SCIN: variants seen among roughly 807,000 people sequenced by gnomAD.
SCIN encodes the protein adseverin.
A neutral mutation model predicts 91.8 loss-of-function variants in SCIN; 91 were observed. The observed-to-expected ratio is 0.99, with a 90% confidence interval of 0.84 to 1.18. The LOEUF (loss-of-function observed/expected upper bound fraction) is 1.18. SCIN is among the 50% of genes most tolerant of loss of function. SCIN has a pLI of 0.00. For synonymous variants in SCIN, 367 were observed against 312.6 expected, an observed-to-expected ratio of 1.17 and a Z score of -1.84; for missense variants, 1,087 against 863.9, an observed-to-expected ratio of 1.26 and a Z score of -3.24.
At chr7:12,591,981 C>T (rs1391469167) in intron 3 of SCIN, among the ~76,000 whole-genome samples, 1 of 152,076 alleles carries the variant, frequency 6.6e-6, no homozygotes, top group Non-Finnish European at 1.5e-5. Flanking sequence ...AGAAGGTCGT[C>T]CACATATTGA....
At chr7:12,585,217 G>T (rs1782562320) in intron 3 of SCIN, among the ~76,000 whole-genome samples, 3 of 152,070 alleles carry the variant, frequency 2.0e-5, no homozygotes, top group African/African-American at 7.2e-5. Context: ...GATGACCCCT[G>T]GTAAATCCGG....
At chr7:12,585,324 G>T (rs1410905816) in intron 3 of SCIN, among the ~76,000 whole-genome samples, 1 of 152,050 alleles carries the variant, frequency 6.6e-6, no homozygotes, top group East Asian at 1.9e-4. Flanking sequence ...TGGCTTCCTT[G>T]TTTTTCTCCC....
intron 8 of SCIN, among the ~76,000 whole-genome samples, chr7:12,627,140 CTG>C (rs1783543851): frequency 6.6e-6 from 1 of 151,772 alleles, no homozygotes; most frequent in South Asian, 2.1e-4. Context: ...ACACATATAT[CTG>C]TGTGTATATA....
chr7:12,585,576 C>T (rs570205451), intron 3 of SCIN, among the ~76,000 whole-genome samples: 7 of 152,268 alleles, frequency 4.6e-5, no homozygotes, highest in African/African-American at 1.7e-4. Flanking sequence ...AAACTCAACA[C>T]ATCTAGAAAA....
At chr7:12,604,435 A>G in intron 3 of SCIN, 79 bp from the exon 4 acceptor site, 1 of 1,288,396 alleles carries the variant, frequency 7.8e-7, no homozygotes, top group Non-Finnish European at 1.1e-6. Flanking sequence ...TTTCTTTCCT[A>G]ATTAATCACA....
In SCIN at chr7:12,644,581, C is replaced by A; in HGVS notation, c.1760-3C>A. On this transcript the variant is annotated splice_polypyrimidine_tract_variant and splice_region_variant and intron_variant, in intron 12 of 15. Coordinates refer to ENST00000297029, the MANE Select transcript of SCIN (RefSeq NM_001112706.3). ...ACTGGATAACTGAGTGTGTTTTCCA[C>A]AGAGGAGTTCTGGAATTCCCTTGGA... 1 of 1,612,448 alleles carries A rather than the reference C, an allele frequency of 6.2e-7. No homozygotes were observed.
At chr7:12,618,021 C>A (rs1253136748) in intron 4 of SCIN, among the ~76,000 whole-genome samples, 2 of 151,860 alleles carry the variant, frequency 1.3e-5, no homozygotes, top group African/African-American at 4.8e-5. Flanking sequence ...TGAGTTTGAC[C>A]CTTCAACATC....
At chr7:12,619,572 GGGT>G (rs1369876952) in intron 4 of SCIN, among the ~76,000 whole-genome samples, 12 of 151,982 alleles carry the variant, frequency 7.9e-5, no homozygotes, top group African/African-American at 2.9e-4. Flanking sequence ...CAAACACCAA[GGGT>G]GGTCTTGAGA....
At chr7:12,585,779 T>C (rs1260259725) in intron 3 of SCIN, among the ~76,000 whole-genome samples, 1 of 152,220 alleles carries the variant, frequency 6.6e-6, no homozygotes, top group Non-Finnish European at 1.5e-5. Flanking sequence ...GATACTGTCT[T>C]AGTACCCAGT....
intron 9 of SCIN, among the ~76,000 whole-genome samples, chr7:12,631,164 C>A (rs984117808): frequency 3.3e-5 from 5 of 152,132 alleles, no homozygotes; most frequent in Non-Finnish European, 5.9e-5. Flanking sequence ...ATTTTAAATG[C>A]TAAATTTGAG....
intron 11 of SCIN, among the ~76,000 whole-genome samples, chr7:12,641,237 G>A (rs544286156): frequency 1.3e-5 from 2 of 152,148 alleles, no homozygotes; most frequent in African/African-American, 2.4e-5. Context: ...AACTTGGGTT[G>A]GTCATCTCAT....
At chr7:12,637,950 T>C (rs1349765951) in intron 10 of SCIN, among the ~76,000 whole-genome samples, 1 of 152,190 alleles carries the variant, frequency 6.6e-6, no homozygotes, top group Non-Finnish European at 1.5e-5. Flanking sequence ...TATCAGACGA[T>C]ATCAATGTCT....
At chr7:12,633,443 C>T (rs181628766) in intron 9 of SCIN, among the ~76,000 whole-genome samples, 50 of 152,158 alleles carry the variant, frequency 3.3e-4, no homozygotes, top group African/African-American at 7.7e-4. Context: ...AGAGTGACTG[C>T]GTTATTTCTT....
intron 1 of SCIN, among the ~76,000 whole-genome samples, chr7:12,577,322 G>C (rs369809702): frequency 6.6e-6 from 1 of 151,964 alleles, no homozygotes; most frequent in South Asian, 2.1e-4. Flanking sequence ...TTTAATTATG[G>C]CTCTGATGCT....
chr7:12,582,919 G>C (rs1750280843), intron 3 of SCIN, among the ~76,000 whole-genome samples: 2 of 152,062 alleles, frequency 1.3e-5, no homozygotes, highest in Non-Finnish European at 2.9e-5. Context: ...CCCTTTATAA[G>C]TGCTTTTGAA....
chr7:12,594,221 G>A (rs936316064), intron 3 of SCIN, among the ~76,000 whole-genome samples: 4 of 151,880 alleles, frequency 2.6e-5, no homozygotes, highest in Admixed American at 6.6e-5. Flanking sequence ...AGGGACATAC[G>A]GTGGAGGATC....
intron 3 of SCIN, among the ~76,000 whole-genome samples, chr7:12,582,644 CT>C (rs1177487436): frequency 5.3e-5 from 8 of 152,096 alleles, no homozygotes; most frequent in Non-Finnish European, 1.0e-4. Context: ...TGGGAAAGTC[CT>C]TTTCAACTTC....
At position 12,655,194 on chromosome 7, in the gene SCIN, A is replaced by C. The variant is rs912292724; in HGVS notation, c.*2479A>C. The C allele has an allele frequency of 6.6e-6, 1 of 152,186 alleles. No homozygotes were observed. The highest frequency in any genetic ancestry group is 2.1e-4 in the South Asian group (1 of 4,836). The allele number at this position is 152,186 out of a possible 1,614,324, so 9.4% of individuals were successfully genotyped here. ...ACGCTGTGTAAACAGTTGTTATACTATATTGGTTTTTTAATTTGCATTACT... is the reference window on the plus strand; with the variant it reads ...ACGCTGTGTAAACAGTTGTTATACTCTATTGGTTTTTTAATTTGCATTACT... On this transcript the variant is annotated 3_prime_UTR_variant, in exon 16 of 16. Transcript: ENST00000297029.
At chr7:12,598,907 CA>C (rs988515368) in intron 3 of SCIN, among the ~76,000 whole-genome samples, 4 of 142,352 alleles carry the variant, frequency 2.8e-5, no homozygotes, top group Non-Finnish European at 4.6e-5. Context: ...GACTCTGTCT[CA>C]AAAAAAAAGA....
Sources: allele counts gnomAD v4.1 joint callset (sites outside exome capture counted in the v4.1 genomes callset), GRCh38; gene constraint gnomAD v4.1.1; transcripts MANE v1.5; gene names NCBI Gene and HGNC (gene_info 2026-07-23, HGNC 2026-07-21).